The following CFAP97 variants were observed in gnomAD, a reference collection of about 807,000 sequenced individuals.
CFAP97 encodes the protein cilia and flagella associated protein 97.
In CFAP97, 36 loss-of-function variants were observed where a neutral mutation model predicts 43.1. That is an observed-to-expected ratio of 0.84 (90% CI 0.64 to 1.10). The LOEUF (loss-of-function observed/expected upper bound fraction) is 1.10, where lower values mean the gene tolerates loss of function less well. Among genes scored for constraint, CFAP97 ranks in the 50% least tolerant of loss-of-function variants. The pLI, the probability that CFAP97 is intolerant of heterozygous loss-of-function variation, is 0.00. For missense variants in CFAP97, 657 were observed against 620.3 expected (o/e 1.06, Z -0.63); for synonymous variants, 228 against 225.7 (o/e 1.01, Z -0.09).
At chr4:185,178,686 C>A (rs1735658460) in intron 2 of CFAP97, among the ~76,000 whole-genome samples, 1 of 152,154 alleles carries the variant, frequency 6.6e-6, no homozygotes, top group East Asian at 1.9e-4. Context: ...CCTGCAAAGA[C>A]TCAAAGAGCA....
chr4:185,204,137 G>A (rs1391178817), upstream of CFAP97: 1 of 151,810 alleles, frequency 6.6e-6, no homozygotes, highest in Non-Finnish European at 1.5e-5. Context: ...GCTCCACGCG[G>A]GCGGAGTGGA....
intron 2 of CFAP97, among the ~76,000 whole-genome samples, chr4:185,179,619 C>T (rs1735704956): frequency 2.0e-5 from 3 of 152,152 alleles, no homozygotes; most frequent in Admixed American, 2.0e-4. Flanking sequence ...TGGGTTCTGG[C>T]CTTCAGGCTG....
At chr4:185,179,793 A>T in intron 2 of CFAP97, among the ~76,000 whole-genome samples, 1 of 152,174 alleles carries the variant, frequency 6.6e-6, no homozygotes, top group Admixed American at 6.5e-5. Context: ...GCATTGTGTG[A>T]CAAAATACCT....
intron 2 of CFAP97, among the ~76,000 whole-genome samples, chr4:185,176,480 C>T (rs1202323800): frequency 6.6e-6 from 1 of 152,042 alleles, no homozygotes; most frequent in Admixed American, 6.6e-5. Flanking sequence ...TGAAATAATA[C>T]TAATGACATC....
chr4:185,178,226 C>A (rs1579241815), intron 2 of CFAP97, among the ~76,000 whole-genome samples: 1 of 149,080 alleles, frequency 6.7e-6, no homozygotes. Flanking sequence ...CTATTTTCCC[C>A]TAACGGTTTT....
rs561657665 is a variant in CFAP97, at chr4:185,169,551, T to G, written c.1321-5372A>C. The G allele has an allele frequency of 1.5e-5, 14 of 930,292 alleles. No individual in the cohort carries two copies. In the African/African-American group the frequency reaches 2.5e-4, roughly 17 times the overall value. 57.6% of individuals were successfully genotyped at this position (930,292 alleles called of 1,614,324 possible). On this transcript the variant is annotated intron_variant, in intron 3 of 4. Transcript: ENST00000458385. ...CTCAGGTAGTATCTTTACAGCAGTA[T>G]GAAAATGGACTAATACACTTGTCCA...
In CFAP97 at chr4:185,160,944, AT is replaced by A. The variant is rs917333643; in HGVS notation, c.*1853del. 6.8e-6 allele frequency: 1 copy of A among 148,030 alleles called. No individual in the cohort carries two copies. The highest frequency in any genetic ancestry group is 2.1e-4 in the South Asian group (1 of 4,804). The allele number at this position is 148,030 out of a possible 1,614,324, so 9.2% of individuals were successfully genotyped here. On this transcript the variant is annotated 3_prime_UTR_variant, in exon 5 of 5. Coordinates refer to ENST00000458385, the MANE Select transcript of CFAP97 (RefSeq NM_020827.3). ...TTATATATATAAAACATATATATAT[AT>A]TTTTTTCTGGAACAACTTAAAAATC...
At chr4:185,185,742 T>A (rs1466425410) in intron 2 of CFAP97, among the ~76,000 whole-genome samples, 1 of 147,998 alleles carries the variant, frequency 6.8e-6, no homozygotes, top group Non-Finnish European at 1.5e-5. Context: ...GCTCAAGAGA[T>A]CCTCCTATCT....
intron 2 of CFAP97, among the ~76,000 whole-genome samples, chr4:185,187,639 C>A (rs559492746): frequency 6.6e-6 from 1 of 151,846 alleles, no homozygotes; most frequent in African/African-American, 2.4e-5. Flanking sequence ...ACAACAGGAG[C>A]GGCAACAACA....
Position 185,162,830 on chromosome 4 carries a change from T to C in CFAP97, c.1567A>G (p.Lys523Glu), listed in dbSNP as rs1734918130. The C allele has an allele frequency of 1.2e-6, 2 of 1,613,100 alleles. No individual in the cohort carries two copies. The highest frequency in any genetic ancestry group is 1.7e-6 in the Non-Finnish European group (2 of 1,179,594). Residue 523 changes from lysine to glutamate, a missense_variant, in exon 5 of 5, where the codon AAA becomes GAA. Coordinates refer to ENST00000458385, the MANE Select transcript of CFAP97 (RefSeq NM_020827.3). Reference protein sequence around the residue: ...PSSGHPRRRPKPPNVRTAWL With the variant: ...PSSGHPRRRPEPPNVRTAWL ...CAAGCTGTACGGACATTAGGGGGTT[T>C]AGGTCTTCTTCGAGGGTGGCCACTG...
Position 185,175,704 on chromosome 4 carries a change from T to C in CFAP97, c.1320+82A>G, listed in dbSNP as rs765917541. On this transcript the variant is annotated intron_variant, in intron 3 of 4. Coordinates refer to ENST00000458385, the MANE Select transcript of CFAP97 (RefSeq NM_020827.3). ...ATGTAATGAAGTTTGAATATTTGGC[T>C]GTATTTAGGTTTCCTGTAAGCTGGA... 2.9e-5 allele frequency: 38 copies of C among 1,299,086 alleles called. No individual in the cohort carries two copies. The Middle Eastern group carries it at 5.8e-4, about 20-fold the overall frequency. The allele number at this position is 1,299,086 out of a possible 1,614,324, so 80.5% of individuals were successfully genotyped here.
intron 2 of CFAP97, among the ~76,000 whole-genome samples, chr4:185,177,937 C>G (rs1475957572): frequency 6.6e-6 from 1 of 151,998 alleles, no homozygotes; most frequent in African/African-American, 2.4e-5. Context: ...ACTCTACTTC[C>G]CTACATTTAA....
At position 185,190,715 on chromosome 4, in the gene CFAP97, CT is replaced by C. The variant is rs34798240; in HGVS notation, c.481del (p.Ser161AlafsTer2). ...AACTTTGCAATACTTTTTCCTTATGCTTTTTTTAACGTTAGTAGATGGTTTA... is the reference window on the plus strand; with the variant it reads ...AACTTTGCAATACTTTTTCCTTATGCTTTTTTAACGTTAGTAGATGGTTTA... ...SAKPSTNVKK[S>X]IRKKYCKVSS... On this transcript the variant is annotated frameshift_variant, in exon 2 of 5. Coordinates refer to ENST00000458385, the MANE Select transcript of CFAP97 (RefSeq NM_020827.3). LOFTEE classifies it high-confidence loss of function. 2 of 1,571,780 alleles carry C rather than the reference CT, an allele frequency of 1.3e-6. No individual in the cohort carries two copies. The highest frequency in any genetic ancestry group is 2.3e-5 in the East Asian group (1 of 43,420).
At chr4:185,195,838 A>C (rs1361223620) in intron 1 of CFAP97, among the ~76,000 whole-genome samples, 1 of 152,200 alleles carries the variant, frequency 6.6e-6, no homozygotes, top group Non-Finnish European at 1.5e-5. Context: ...TTAAACTCCC[A>C]AAAATGTCAC....
At chr4:185,169,258 C>G (rs1735189869) in intron 3 of CFAP97, 1 of 152,190 alleles carries the variant, frequency 6.6e-6, no homozygotes, top group African/African-American at 2.4e-5. Flanking sequence ...TTGTAATCCC[C>G]ACGTATGGAG....
At chr4:185,205,733 G>A (rs1208992539), upstream of CFAP97, among the ~76,000 whole-genome samples, 1 of 152,168 alleles carries the variant, frequency 6.6e-6, no homozygotes, top group African/African-American at 2.4e-5. Context: ...GGAGGCTGAC[G>A]CAGAAGAATC....
intron 3 of CFAP97, among the ~76,000 whole-genome samples, chr4:185,165,497 G>A (rs1275951409): frequency 4.6e-5 from 7 of 152,234 alleles, no homozygotes; most frequent in African/African-American, 7.2e-5. Flanking sequence ...AAGAAATACC[G>A]AGGTAGACCA....
At chr4:185,169,639 T>G (rs1735215369) in intron 3 of CFAP97, 2 of 985,108 alleles carry the variant, frequency 2.0e-6, no homozygotes, top group Admixed American at 1.2e-4. Context: ...GCCCATCTTT[T>G]GATGTTTAAA....
chr4:185,176,028 C>G lies in CFAP97; in HGVS notation c.1078G>C (p.Gly360Arg), dbSNP rs762163186. The change falls in exon 3 of 5, where the codon GGA becomes CGA. Residue 360 changes from glycine (G) to arginine (R), a missense_variant. Physicochemically the swap from Gly to Arg is moderately radical, Grantham distance 125. Transcript: ENST00000458385. ...TGATCAAAGTGATGTTTTTGTGGTC[C>G]TTTTTTATCTAATTGCAGAAAAGCT... Reference protein sequence around the residue: ...LKAFLQLDKKGPQKHHFDQPS... With the variant: ...LKAFLQLDKKRPQKHHFDQPS... The G allele has an allele frequency of 1.3e-6, 2 of 1,589,108 alleles. No homozygotes were observed. Among genetic ancestry groups the G allele is most frequent in the Admixed American group, 3.6e-5 (2 of 55,818 alleles).
Sources: allele counts gnomAD v4.1 joint callset (sites outside exome capture counted in the v4.1 genomes callset), GRCh38; gene constraint gnomAD v4.1.1; transcripts MANE v1.5; gene names NCBI Gene and HGNC (gene_info 2026-07-23, HGNC 2026-07-21).